The following SPTLC3 variants were observed in gnomAD, a reference collection of about 807,000 sequenced individuals.
SPTLC3 encodes the protein serine palmitoyltransferase long chain base subunit 3.
In SPTLC3, 36 loss-of-function variants were observed where a neutral mutation model predicts 59.3. The observed-to-expected ratio is 0.61, with a 90% CI of 0.47 to 0.80. The LOEUF (loss-of-function observed/expected upper bound fraction) is 0.80. Ranked by LOEUF, SPTLC3 falls within the 30% of genes least tolerant of loss-of-function variation. The pLI is 0.00. For missense variants in SPTLC3, 625 were observed against 685.1 expected (o/e 0.91, Z 0.98); for synonymous variants, 257 against 240.8 (o/e 1.07, Z -0.62).
At chr20:13,076,800 C>A (rs1374099206) in intron 4 of SPTLC3, among the ~76,000 whole-genome samples, 1 of 152,136 alleles carries the variant, frequency 6.6e-6, no homozygotes, top group East Asian at 1.9e-4. Flanking sequence ...CACCTCCCTG[C>A]TGCAACCACC....
intron 6 of SPTLC3, among the ~76,000 whole-genome samples, chr20:13,103,416 T>C (rs1471894360): frequency 6.6e-6 from 1 of 151,874 alleles, no homozygotes; most frequent in Non-Finnish European, 1.5e-5. Context: ...ATAAGAGGAG[T>C]GGATATAGAG....
rs201571295 is a variant in SPTLC3, at chr20:13,164,310, G to A, written c.1546-444G>A. The stretch of plus-strand genomic sequence containing the variant: ...CCTGGGGTAGCATGAGAGGACAGAG[G>A]ATGATGTTAATCAGCTCCCGCAACA... On this transcript the variant is annotated intron_variant, in intron 11 of 11. Coordinates refer to ENST00000399002, the MANE Select transcript of SPTLC3 (RefSeq NM_018327.4). 2.2e-4 allele frequency: 104 copies of A among 471,312 alleles called. 2 individuals carry two copies. The highest frequency in any genetic ancestry group is 1.3e-3 in the Middle Eastern group (4 of 3,082). 29.2% of individuals were successfully genotyped at this position (471,312 alleles called of 1,614,324 possible).
intron 1 of SPTLC3, among the ~76,000 whole-genome samples, chr20:13,036,391 G>A (rs1986737515): frequency 6.6e-6 from 1 of 151,824 alleles, no homozygotes; most frequent in Non-Finnish European, 1.5e-5. Flanking sequence ...TTAGTGTGAA[G>A]TCAGTGAGGA....
intron 6 of SPTLC3, among the ~76,000 whole-genome samples, chr20:13,095,119 C>G (rs1989366973): frequency 6.6e-6 from 1 of 152,178 alleles, no homozygotes; most frequent in African/African-American, 2.4e-5. Flanking sequence ...CAAGGAATGC[C>G]TTTGGTATTA....
intron 7 of SPTLC3, among the ~76,000 whole-genome samples, chr20:13,112,724 T>C (rs1029359440): frequency 6.6e-6 from 1 of 152,186 alleles, no homozygotes; most frequent in Non-Finnish European, 1.5e-5. Flanking sequence ...AAAGGCCACA[T>C]TCACAGATAG....
intron 5 of SPTLC3, among the ~76,000 whole-genome samples, chr20:13,092,328 G>A (rs1052501926): frequency 6.6e-5 from 10 of 152,222 alleles, no homozygotes; most frequent in Admixed American, 3.3e-4. Context: ...AAAATGGGAA[G>A]TTGGCTGGTT....
chr20:13,121,286 ACAGGG>A (rs1186586520), intron 8 of SPTLC3, among the ~76,000 whole-genome samples: 2 of 152,190 alleles, frequency 1.3e-5, no homozygotes, highest in East Asian at 3.9e-4. Context: ...GGGAACTGGG[ACAGGG>A]CAGACAAATT....
chr20:13,113,721 G>C (rs1990372996), intron 7 of SPTLC3, among the ~76,000 whole-genome samples: 1 of 152,170 alleles, frequency 6.6e-6, no homozygotes, highest in Non-Finnish European at 1.5e-5. Flanking sequence ...GCTAGTGTTG[G>C]CAGAGGCCCA....
At chr20:13,009,903 C>T (rs1248560767) in intron 1 of SPTLC3, among the ~76,000 whole-genome samples, 1 of 152,142 alleles carries the variant, frequency 6.6e-6, no homozygotes, top group Non-Finnish European at 1.5e-5. Flanking sequence ...TGATTTGAGG[C>T]CACAGTATTT....
intron 9 of SPTLC3, among the ~76,000 whole-genome samples, chr20:13,153,145 C>G (rs552117684): frequency 6.6e-6 from 1 of 152,204 alleles, no homozygotes; most frequent in African/African-American, 2.4e-5. Context: ...TCTTATTGAG[C>G]AAACACTATC....
chr20:13,085,664 A>G (rs868784356), intron 4 of SPTLC3, among the ~76,000 whole-genome samples: 12 of 152,254 alleles, frequency 7.9e-5, no homozygotes, highest in African/African-American at 2.4e-5. Flanking sequence ...ACTCTTTGTT[A>G]TTAACAAATG....
intron 10 of SPTLC3, 143 bp from the exon 11 acceptor site, chr20:13,159,860 C>A: frequency 1.7e-6 from 2 of 1,162,462 alleles, no homozygotes; most frequent in Non-Finnish European, 2.3e-6. Context: ...AGTTTAAAAA[C>A]TTCAATCATC....
chr20:13,099,366 A>G (rs1989528654), intron 6 of SPTLC3, among the ~76,000 whole-genome samples: 1 of 152,136 alleles, frequency 6.6e-6, no homozygotes, highest in Non-Finnish European at 1.5e-5. Context: ...CAATATCTTG[A>G]TTTTCACCCA....
At chr20:13,085,655 C>A (rs1228110058) in intron 4 of SPTLC3, among the ~76,000 whole-genome samples, 3 of 152,196 alleles carry the variant, frequency 2.0e-5, no homozygotes, top group African/African-American at 7.2e-5. Flanking sequence ...AACACCCACA[C>A]TCTTTGTTAT....
intron 7 of SPTLC3, among the ~76,000 whole-genome samples, chr20:13,116,464 T>C (rs1251247691): frequency 1.3e-5 from 2 of 152,188 alleles, no homozygotes; most frequent in African/African-American, 4.8e-5. Flanking sequence ...GTCAGATTTT[T>C]TTAATCCATT....
chr20:13,103,882 G>A (rs79798975), intron 6 of SPTLC3, among the ~76,000 whole-genome samples: 2,213 of 152,284 alleles, frequency 0.015, 21 homozygotes, highest in Non-Finnish European at 0.022. Flanking sequence ...TTTTTCTTCC[G>A]GAAGACACAC....
chr20:13,165,021 T>C lies in SPTLC3; in HGVS notation c.*154T>C, dbSNP rs1042868563. The C allele has an allele frequency of 1.7e-6, 1 of 600,736 alleles. No individual in the cohort carries two copies. The highest frequency in any genetic ancestry group is 1.9e-5 in the African/African-American group (1 of 53,756). The allele number at this position is 600,736 out of a possible 1,614,324, so 37.2% of individuals were successfully genotyped here. ...CTGAGGGAGACGTTGTTGTTTTTAATGTCTCCAGCTTGGACTGCAGAGACA... is the reference window on the plus strand; with the variant it reads ...CTGAGGGAGACGTTGTTGTTTTTAACGTCTCCAGCTTGGACTGCAGAGACA... On this transcript the variant is annotated 3_prime_UTR_variant, in exon 12 of 12. Coordinates refer to ENST00000399002, the MANE Select transcript of SPTLC3 (RefSeq NM_018327.4).
chr20:13,147,498 C>G (rs571358187), intron 9 of SPTLC3, among the ~76,000 whole-genome samples: 10 of 152,172 alleles, frequency 6.6e-5, no homozygotes, highest in Non-Finnish European at 1.5e-4. Flanking sequence ...ACTCCAAGGT[C>G]TCTCCCCATC....
chr20:13,128,355 T>C (rs1026693181), intron 9 of SPTLC3, among the ~76,000 whole-genome samples: 4 of 152,200 alleles, frequency 2.6e-5, no homozygotes, highest in African/African-American at 9.7e-5. Context: ...CCTGTAGATC[T>C]CAGTGGCTTA....
Sources: gnomAD v4.1 joint callset for allele counts (sites outside exome capture counted in the v4.1 genomes callset) on GRCh38, gnomAD v4.1.1 for gene constraint, MANE v1.5 for transcripts, NCBI Gene and HGNC (gene_info 2026-07-23, HGNC 2026-07-21) for gene names.